Variants in ABLIM2 observed in about 807,000 individuals in gnomAD.
ABLIM2 encodes the protein actin-binding LIM protein 2.
A neutral mutation model predicts 97.7 loss-of-function variants in ABLIM2; 53 were observed. The observed-to-expected ratio is 0.54, with a 90% CI of 0.44 to 0.68. The LOEUF (loss-of-function observed/expected upper bound fraction) is 0.68. Among genes scored for constraint, ABLIM2 ranks in the 30% least tolerant of loss-of-function variants. The pLI, the probability that ABLIM2 is intolerant of heterozygous loss-of-function variation, is 0.00. For synonymous variants in ABLIM2, 361 were observed against 345.8 expected, an observed-to-expected ratio of 1.04 and a Z score of -0.49; for missense variants, 835 against 867.2, an observed-to-expected ratio of 0.96 and a Z score of 0.47.
rs1844913888 is a variant in ABLIM2, at chr4:8,120,486, G to A, written c.11-13849C>T. On this transcript the variant is annotated intron_variant, in intron 1 of 20. Transcript: ENST00000447017. The surrounding 1 kb of genome is among the most constrained non-coding windows in gnomAD (Gnocchi z 5.6). ...TGGGAAACCAGAGGGAACCCAACAT[G>A]AAGACGCGGGAGAAGATGGCGACTT... Among the ~76,000 whole-genome samples, 1 of 152,000 alleles carries A rather than the reference G, an allele frequency of 6.6e-6. No homozygotes were observed. The highest frequency in any genetic ancestry group is 1.5e-5 in the Non-Finnish European group (1 of 68,006).
chr4:8,154,562 A>G (rs28537831), intron 1 of ABLIM2, among the ~76,000 whole-genome samples: 56,981 of 150,240 alleles, frequency 0.38, 11,138 homozygotes, highest in African/African-American at 0.5. Flanking sequence ...TTACAGGCGT[A>G]AGCCACCGCA....
chr4:8,062,627 G>C (rs1348777191), intron 6 of ABLIM2, among the ~76,000 whole-genome samples: 2 of 151,942 alleles, frequency 1.3e-5, no homozygotes, highest in East Asian at 3.9e-4. Context: ...TTTTAGTAGA[G>C]ACGGGGTTTC....
chr4:8,156,407 A>T (rs1471275509), intron 1 of ABLIM2, among the ~76,000 whole-genome samples: 1 of 152,144 alleles, frequency 6.6e-6, no homozygotes, highest in African/African-American at 2.4e-5. Flanking sequence ...CCTGTCTGGT[A>T]TGGGATGCCA....
intron 2 of ABLIM2, among the ~76,000 whole-genome samples, chr4:8,100,845 G>A (rs1042923357): frequency 2.6e-5 from 4 of 151,964 alleles, no homozygotes; most frequent in Non-Finnish European, 5.9e-5. Flanking sequence ...ACATCCAACA[G>A]TGCAAGAGTG....
At chr4:8,026,193 G>A (rs1396881983) in intron 12 of ABLIM2, among the ~76,000 whole-genome samples, 1 of 152,154 alleles carries the variant, frequency 6.6e-6, no homozygotes, top group Non-Finnish European at 1.5e-5. Context: ...TCAGACAAAG[G>A]GTCTCACCAG....
chr4:8,116,209 T>C (rs1019284069), intron 1 of ABLIM2, among the ~76,000 whole-genome samples: 3 of 152,138 alleles, frequency 2.0e-5, no homozygotes, highest in African/African-American at 7.2e-5. Flanking sequence ...CTTGGGGTGG[T>C]TTGTTAGGCA....
At chr4:7,981,919 T>C (rs1305785236) in intron 20 of ABLIM2, among the ~76,000 whole-genome samples, 1 of 152,182 alleles carries the variant, frequency 6.6e-6, no homozygotes, top group Non-Finnish European at 1.5e-5. Flanking sequence ...GGACACAGCC[T>C]GTAGCACCTG....
rs967930057 is a variant in ABLIM2 at position 8,082,788 on chromosome 4, G to C, written c.455-1986C>G. Among the ~76,000 whole-genome samples the C allele has an allele frequency of 6.6e-6, 1 of 152,156 alleles. No homozygotes were observed. On this transcript the variant is annotated intron_variant, in intron 4 of 20. Coordinates refer to ENST00000447017, the MANE Select transcript of ABLIM2 (RefSeq NM_001130083.2). This position sits in a 1 kb window ranked among gnomAD's most constrained non-coding sequence, Gnocchi z 5.6. ...GGAACCAAAGTGAGAGGATGCCTCC[G>C]CCCTTCTCAAGTCCAGGAGGCGACC...
intron 2 of ABLIM2, among the ~76,000 whole-genome samples, chr4:8,104,070 G>T (rs1249901003): frequency 1.3e-5 from 2 of 152,308 alleles, no homozygotes; most frequent in South Asian, 2.1e-4. Context: ...GGAGAGAAAG[G>T]CCAGGGTGGA....
chr4:8,144,209 G>A (rs1851444731), intron 1 of ABLIM2, among the ~76,000 whole-genome samples: 1 of 152,208 alleles, frequency 6.6e-6, no homozygotes, highest in African/African-American at 2.4e-5. Context: ...AGCAGCCCCT[G>A]GTGCTCGGCC....
rs1755080042 is a variant in ABLIM2 at position 7,998,694 on chromosome 4, G to C, written c.1619-5767C>G. On this transcript the variant is annotated intron_variant, in intron 16 of 20. Transcript: ENST00000447017. The surrounding 1 kb of genome is among the most constrained non-coding windows in gnomAD (Gnocchi z 6.4). ...CCACATGGGAGGCTGGGAGTCTGCA[G>C]GTCTGGGCCACCTCCTGCCACTGCA... 2.0e-6 allele frequency: 1 copy of C among 506,650 alleles called. No homozygotes were observed. Among genetic ancestry groups the C allele is most frequent in the Admixed American group, 2.0e-5 (1 of 50,158 alleles). The allele number at this position is 506,650 out of a possible 1,614,324, so 31.4% of individuals were successfully genotyped here.
chr4:8,058,855 T>G lies in ABLIM2; in HGVS notation c.763+2112A>C, dbSNP rs1801070938. On this transcript the variant is annotated intron_variant, in intron 7 of 20. Coordinates refer to ENST00000447017, the MANE Select transcript of ABLIM2 (RefSeq NM_001130083.2). The surrounding 1 kb of genome is among the most constrained non-coding windows in gnomAD (Gnocchi z 4.2). Reference sequence around the variant, plus strand: ...AGCCTAATCTCCCTCCACTTCTGATTGAGTTCCTCATCCCATCTTTGACGA... The same window carrying G: ...AGCCTAATCTCCCTCCACTTCTGATGGAGTTCCTCATCCCATCTTTGACGA... Among the ~76,000 whole-genome samples, 1 of 152,174 alleles carries G rather than the reference T, an allele frequency of 6.6e-6. No individual in the cohort carries two copies. Among genetic ancestry groups the G allele is most frequent in the Admixed American group, 6.5e-5 (1 of 15,274 alleles).
intron 2 of ABLIM2, among the ~76,000 whole-genome samples, chr4:8,099,686 A>G (rs1319528237): frequency 1.3e-5 from 2 of 152,164 alleles, no homozygotes; most frequent in African/African-American, 4.8e-5. Context: ...TCTACTAAAA[A>G]TACAAAAAAT....
chr4:8,032,663 C>G lies in ABLIM2; in HGVS notation c.1048-2887G>C. 4 of 1,612,532 alleles carry G rather than the reference C, an allele frequency of 2.5e-6. No individual in the cohort carries two copies. Among genetic ancestry groups the G allele is most frequent in the Non-Finnish European group, 3.4e-6 (4 of 1,179,818 alleles). On this transcript the variant is annotated intron_variant, in intron 10 of 20. Coordinates refer to ENST00000447017, the MANE Select transcript of ABLIM2 (RefSeq NM_001130083.2). This position sits in a 1 kb window ranked among gnomAD's most constrained non-coding sequence, Gnocchi z 4.3. Reference sequence around the variant, plus strand: ...TGGTGGTTACCTCGGTCGGCGTTGGCGAGAGCAACTGAGGGGACTGTGGAC... The same window carrying G: ...TGGTGGTTACCTCGGTCGGCGTTGGGGAGAGCAACTGAGGGGACTGTGGAC...
chr4:7,967,102 CT>C lies in ABLIM2; in HGVS notation c.1825del (p.Arg609AspfsTer14). On this transcript the variant is annotated frameshift_variant and splice_region_variant, in exon 21 of 21. Coordinates refer to ENST00000447017, the MANE Select transcript of ABLIM2 (RefSeq NM_001130083.2). LOFTEE classifies it high-confidence loss of function. Reference protein sequence around the residue: ...PKDVDRTRLERHLSPEEFQEV... With the variant: ...PKDVDRTRLEXHLSPEEFQEV... ...CTGGAACTCCTCGGGCGACAAGTGT[CT>C]CTTCAAACAAAAAGGCAAAACAGAA... 6.2e-7 allele frequency: 1 copy of C among 1,613,356 alleles called. No individual in the cohort carries two copies. Among genetic ancestry groups the C allele is most frequent in the Non-Finnish European group, 8.5e-7 (1 of 1,179,748 alleles).
rs1821432188 is a variant in ABLIM2, at chr4:8,083,770, G to T, written c.455-2968C>A. 6.6e-6 allele frequency among the ~76,000 whole-genome samples: 1 copy of T among 152,184 alleles called. No homozygotes were observed. Among genetic ancestry groups the T allele is most frequent in the African/African-American group, 2.4e-5 (1 of 41,448 alleles). On this transcript the variant is annotated intron_variant, in intron 4 of 20. Coordinates refer to ENST00000447017, the MANE Select transcript of ABLIM2 (RefSeq NM_001130083.2). This position sits in a 1 kb window ranked among gnomAD's most constrained non-coding sequence, Gnocchi z 4.6. ...CCTAGCAGGGCAGAAGGGGCCCCAG[G>T]ACCCCCCAATGTCAGCTGGCCACGT...
intron 1 of ABLIM2, among the ~76,000 whole-genome samples, chr4:8,126,079 G>C (rs1057230051): frequency 6.6e-6 from 1 of 152,188 alleles, no homozygotes; most frequent in African/African-American, 2.4e-5. Context: ...TCATGGGTTG[G>C]ACTCCAGGGC....
At position 8,088,275 on chromosome 4, in the gene ABLIM2, G is replaced by A. The variant is rs747138981; in HGVS notation, c.348C>T (p.Phe116=). The change falls in exon 4 of 21, where the codon TTC becomes TTT. Residue 116 remains phenylalanine, a synonymous_variant. Coordinates refer to ENST00000447017, the MANE Select transcript of ABLIM2 (RefSeq NM_001130083.2). ...TGAAGGTCACTCGGTCCCCGGGGGG[G>A]AAGGGCAGCCTGAAACAAGAGAGCT... ...CFVCAVCRLP[F]PPGDRVTFNG... The A allele has an allele frequency of 1.9e-6, 3 of 1,612,184 alleles. No homozygotes were observed. The highest frequency in any genetic ancestry group is 1.7e-4 in the Middle Eastern group (1 of 6,058).
At chr4:8,138,094 T>C (rs568777413) in intron 1 of ABLIM2, among the ~76,000 whole-genome samples, 36 of 152,118 alleles carry the variant, frequency 2.4e-4, no homozygotes, top group Non-Finnish European at 4.1e-4. Flanking sequence ...ATTCCACTGA[T>C]AGGAGGCCCC....
Sources: allele counts gnomAD v4.1 joint callset (sites outside exome capture counted in the v4.1 genomes callset), GRCh38; gene constraint gnomAD v4.1.1; non-coding constraint Gnocchi (gnomAD v3.1); transcripts MANE v1.5; gene names NCBI Gene and HGNC (gene_info 2026-07-23, HGNC 2026-07-21).